The following OR6K2 variants were observed in gnomAD, a reference collection of about 807,000 sequenced individuals.
The protein encoded by OR6K2 is olfactory receptor 6K2.
For missense variants in OR6K2, 450 were observed against 402.5 expected, an observed-to-expected ratio of 1.12 and a Z score of -1.01; for synonymous variants, 139 against 143.8, an observed-to-expected ratio of 0.97 and a Z score of 0.24.
Position 158,699,813 on chromosome 1 carries a change from T to G in OR6K2, c.840A>C (p.Ala280=). The stretch of plus-strand genomic sequence containing the variant: ...TGGGGTTGAAGAAGGGAGACAAAAC[T>G]GCAAAGGCCAGAGCAATGGCTATAT... ...FWDIAIALAF[A]VLSPFFNPII... Residue 280 remains alanine (A), a synonymous_variant, in exon 1 of 1, where the codon GCA becomes GCC. Coordinates refer to ENST00000359610, the MANE Select transcript of OR6K2 (RefSeq NM_001005279.3). The G allele has an allele frequency of 6.2e-7, 1 of 1,614,132 alleles. No individual in the cohort carries two copies. Among genetic ancestry groups the G allele is most frequent in the Non-Finnish European group, 8.5e-7 (1 of 1,180,012 alleles).
At position 158,699,984 on chromosome 1, in the gene OR6K2, C is replaced by G. The variant is rs144922102; in HGVS notation, c.669G>C (p.Val223=). The G allele has an allele frequency of 6.2e-7, 1 of 1,614,094 alleles. No individual in the cohort carries two copies. Among genetic ancestry groups the G allele is most frequent in the South Asian group, 1.1e-5 (1 of 91,084 alleles). Reference sequence around the variant, plus strand: ...CTGAATGAATACGTAGAATTACAGCCACAATACCATCGTAGGACATGAAGA... The same window carrying G: ...CTGAATGAATACGTAGAATTACAGCGACAATACCATCGTAGGACATGAAGA... ...MLIFMSYDGI[V]AVILRIHSAG... Residue 223 remains valine (V), a synonymous_variant, in exon 1 of 1, where the codon GTG becomes GTC. Coordinates refer to ENST00000359610, the MANE Select transcript of OR6K2 (RefSeq NM_001005279.3).
At position 158,700,210 on chromosome 1, in the gene OR6K2, C is replaced by A; in HGVS notation, c.443G>T (p.Cys148Phe). ...KLCTQLTLSCCVCGFITPLPE... is the reference protein window; with the variant it reads ...KLCTQLTLSCFVCGFITPLPE... ...AAGGGGTGTGATAAAGCCACAAACACAGCAACTTAAAGTCAGTTGGGTACA... is the reference window on the plus strand; with the variant it reads ...AAGGGGTGTGATAAAGCCACAAACAAAGCAACTTAAAGTCAGTTGGGTACA... The change falls in exon 1 of 1, where the codon TGT becomes TTT. Residue 148 changes from cysteine (C) to phenylalanine (F), a missense_variant. Transcript: ENST00000359610. The A allele has an allele frequency of 6.2e-7, 1 of 1,613,952 alleles. No individual in the cohort carries two copies.
rs763834463 is a variant in OR6K2 at position 158,699,986 on chromosome 1, C to T, written c.667G>A (p.Val223Met). The T allele has an allele frequency of 1.9e-6, 3 of 1,612,626 alleles. No homozygotes were observed. The highest frequency in any genetic ancestry group is 1.7e-5 in the Admixed American group (1 of 59,984). The change falls in exon 1 of 1, where the codon GTG becomes ATG. Residue 223 changes from valine (V) to methionine (M), a missense_variant. Coordinates refer to ENST00000359610, the MANE Select transcript of OR6K2 (RefSeq NM_001005279.3). Reference protein sequence around the residue: ...MLIFMSYDGIVAVILRIHSAG... With the variant: ...MLIFMSYDGIMAVILRIHSAG... Reference sequence around the variant, plus strand: ...GAATGAATACGTAGAATTACAGCCACAATACCATCGTAGGACATGAAGATG... The same window carrying T: ...GAATGAATACGTAGAATTACAGCCATAATACCATCGTAGGACATGAAGATG...
Position 158,700,115 on chromosome 1 carries a change from A to G in OR6K2, c.538T>C (p.Phe180Leu), listed in dbSNP as rs1296481497. The G allele has an allele frequency of 1.9e-6, 3 of 1,614,182 alleles. No individual in the cohort carries two copies. Among genetic ancestry groups the G allele is most frequent in the East Asian group, 2.2e-5 (1 of 44,878 alleles). The change falls in exon 1 of 1, where the codon TTC becomes CTC. Residue 180 changes from phenylalanine (F) to leucine (L), a missense_variant. By Grantham distance (22) the Phe-to-Leu change is conservative (BLOSUM62 0). Coordinates refer to ENST00000359610, the MANE Select transcript of OR6K2 (RefSeq NM_001005279.3). ...SNHLEHIFCD[F>L]LPVLRLACTD... ...CAGGCCAGACGCAGCACTGGGAGGA[A>G]GTCACAGAAGATATGTTCAAGGTGA...
Position 158,699,998 on chromosome 1 carries a change from AGGACATGAAG to A in OR6K2, c.645_654del (p.Phe216ThrfsTer7), listed in dbSNP as rs774303492. On this transcript the variant is annotated frameshift_variant, in exon 1 of 1. Coordinates refer to ENST00000359610, the MANE Select transcript of OR6K2 (RefSeq NM_001005279.3). LOFTEE classifies it low-confidence loss of function (END_TRUNC). ...AGAATTACAGCCACAATACCATCGT[AGGACATGAAG>A]ATGAGCATCACAGCTGTAATAATCT... 1 of 1,614,158 alleles carries A rather than the reference AGGACATGAAG, an allele frequency of 6.2e-7. No homozygotes were observed. Among genetic ancestry groups the A allele is most frequent in the Non-Finnish European group, 8.5e-7 (1 of 1,180,022 alleles).
rs1655737106 is a variant in OR6K2, at chr1:158,699,704, G to C, written c.949C>G (p.Pro317Ala). The stretch of plus-strand genomic sequence containing the variant: ...TAAAATATCTTACTTGAGGTCCCTG[G>C]TCTTACGGAAAAAAATATCTTAGCT... ...GQAKIFFSVR[P>A]GTSSKIF is the part of the protein sequence containing the mutation. The change falls in exon 1 of 1, where the codon CCA (proline) becomes GCA (alanine). Residue 317 changes from proline (P) to alanine (A), a missense_variant. Pro to Ala is a conservative substitution (Grantham distance 27). Transcript: ENST00000359610. 6.2e-7 allele frequency: 1 copy of C among 1,611,520 alleles called. No homozygotes were observed. The highest frequency in any genetic ancestry group is 8.5e-7 in the Non-Finnish European group (1 of 1,179,386).
chr1:158,699,812 C>T lies in OR6K2; in HGVS notation c.841G>A (p.Val281Ile), dbSNP rs980243961. Residue 281 changes from valine to isoleucine, a missense_variant, in exon 1 of 1, where the codon GTT (valine) becomes ATT (isoleucine). Val to Ile is a conservative substitution (Grantham distance 29, BLOSUM62 3). Transcript: ENST00000359610. ...WDIAIALAFA[V>I]LSPFFNPIIY... ...ATGGGGTTGAAGAAGGGAGACAAAA[C>T]TGCAAAGGCCAGAGCAATGGCTATA... The T allele has an allele frequency of 6.8e-6, 11 of 1,614,024 alleles. No homozygotes were observed. The highest frequency in any genetic ancestry group is 5.0e-5 in the Admixed American group (3 of 59,990).
rs1423113035 is a variant in OR6K2 at position 158,700,242 on chromosome 1, G to A, written c.411C>T (p.Pro137=). The A allele has an allele frequency of 6.2e-7, 1 of 1,613,588 alleles. No individual in the cohort carries two copies. The highest frequency in any genetic ancestry group is 8.5e-7 in the Non-Finnish European group (1 of 1,179,958). ...SPLHYPSIMT[P]KLCTQLTLSC... ...TTAAAGTCAGTTGGGTACATAGCTT[G>A]GGGGTCATGATAGAGGGATAATGAA... The change falls in exon 1 of 1, where the codon CCC becomes CCT. Residue 137 remains proline (P), a synonymous_variant. Coordinates refer to ENST00000359610, the MANE Select transcript of OR6K2 (RefSeq NM_001005279.3).
chr1:158,700,072 A>G lies in OR6K2; in HGVS notation c.581T>C (p.Ile194Thr), dbSNP rs768735733. 1.9e-6 allele frequency: 3 copies of G among 1,614,082 alleles called. No homozygotes were observed. Among genetic ancestry groups the G allele is most frequent in the African/African-American group, 1.3e-5 (1 of 74,928 alleles). Residue 194 changes from isoleucine (I) to threonine (T), a missense_variant, in exon 1 of 1, where the codon ATC becomes ACC. By Grantham distance (89) the Ile-to-Thr change is moderately conservative. Transcript: ENST00000359610. ...GACATCCACTACCTGAATCATGACGATGGCTCGTGTGTCTGTGCAGGCCAG... is the reference window on the plus strand; with the variant it reads ...GACATCCACTACCTGAATCATGACGGTGGCTCGTGTGTCTGTGCAGGCCAG... Reference protein sequence around the residue: ...LRLACTDTRAIVMIQVVDVIH... With the variant: ...LRLACTDTRATVMIQVVDVIH...
chr1:158,699,797 A>C lies in OR6K2; in HGVS notation c.856T>G (p.Phe286Val). Residue 286 changes from phenylalanine to valine, a missense_variant, in exon 1 of 1, where the codon TTC (phenylalanine) becomes GTC (valine). Transcript: ENST00000359610. Reference protein sequence around the residue: ...ALAFAVLSPFFNPIIYSLRNK... With the variant: ...ALAFAVLSPFVNPIIYSLRNK... ...CTCAGGCTATAGATAATGGGGTTGA[A>C]GAAGGGAGACAAAACTGCAAAGGCC... is the stretch of plus-strand genomic sequence containing the variant. 6.2e-7 allele frequency: 1 copy of C among 1,614,166 alleles called. No homozygotes were observed. Among genetic ancestry groups the C allele is most frequent in the Non-Finnish European group, 8.5e-7 (1 of 1,180,010 alleles).
rs147529274 is a variant in OR6K2, at chr1:158,699,784, A to T, written c.869T>A (p.Ile290Asn). ...TATTTCTTTATTCCTCAGGCTATAG[A>T]TAATGGGGTTGAAGAAGGGAGACAA... ...AVLSPFFNPI[I>N]YSLRNKEIKE... Residue 290 changes from isoleucine (I) to asparagine (N), a missense_variant, in exon 1 of 1, where the codon ATC becomes AAC. By Grantham distance (149) the Ile-to-Asn change is moderately radical (BLOSUM62 -3). Transcript: ENST00000359610. 1.4e-5 allele frequency: 23 copies of T among 1,613,994 alleles called. No homozygotes were observed. The highest frequency in any genetic ancestry group is 1.6e-4 in the Middle Eastern group (1 of 6,084).
rs750648946 is a variant in OR6K2 at position 158,699,835 on chromosome 1, A to C, written c.818T>G (p.Ile273Arg). ...FSATYSLFWD[I>R]AIALAFAVLS... The stretch of plus-strand genomic sequence containing the variant: ...AACTGCAAAGGCCAGAGCAATGGCT[A>C]TATCCCAGAACAAAGAGTAGGTGGC... Residue 273 changes from isoleucine to arginine, a missense_variant, in exon 1 of 1, where the codon ATA becomes AGA. Physicochemically the swap from Ile to Arg is moderately conservative, Grantham distance 97. Coordinates refer to ENST00000359610, the MANE Select transcript of OR6K2 (RefSeq NM_001005279.3). 6.2e-7 allele frequency: 1 copy of C among 1,614,184 alleles called. No individual in the cohort carries two copies. The highest frequency in any genetic ancestry group is 8.5e-7 in the Non-Finnish European group (1 of 1,180,042).
chr1:158,700,236 T>A lies in OR6K2; in HGVS notation c.417A>T (p.Leu139=). ...AGCAACTTAAAGTCAGTTGGGTACA[T>A]AGCTTGGGGGTCATGATAGAGGGAT... ...LHYPSIMTPK[L]CTQLTLSCCV... is the part of the protein sequence containing the mutation. The change falls in exon 1 of 1, where the codon CTA becomes CTT. Residue 139 remains leucine, a synonymous_variant. Transcript: ENST00000359610. 1 of 1,613,920 alleles carries A rather than the reference T, an allele frequency of 6.2e-7. No individual in the cohort carries two copies. Among genetic ancestry groups the A allele is most frequent in the Non-Finnish European group, 8.5e-7 (1 of 1,179,974 alleles).
At position 158,700,235 on chromosome 1, in the gene OR6K2, A is replaced by C. The variant is rs139230785; in HGVS notation, c.418T>G (p.Cys140Gly). Residue 140 changes from cysteine (C) to glycine (G), a missense_variant, in exon 1 of 1, where the codon TGT becomes GGT. Transcript: ENST00000359610. ...CAGCAACTTAAAGTCAGTTGGGTAC[A>C]TAGCTTGGGGGTCATGATAGAGGGA... ...HYPSIMTPKLCTQLTLSCCVC... is the reference protein window; with the variant it reads ...HYPSIMTPKLGTQLTLSCCVC... The C allele has an allele frequency of 1.1e-5, 18 of 1,613,998 alleles. No individual in the cohort carries two copies. The highest frequency in any genetic ancestry group is 1.6e-4 in the Middle Eastern group (1 of 6,080).
At position 158,700,297 on chromosome 1, in the gene OR6K2, A is replaced by T. The variant is rs1200149933; in HGVS notation, c.356T>A (p.Phe119Tyr). The change falls in exon 1 of 1, where the codon TTT becomes TAT. Residue 119 changes from phenylalanine (F) to tyrosine (Y), a missense_variant. Coordinates refer to ENST00000359610, the MANE Select transcript of OR6K2 (RefSeq NM_001005279.3). ...CEVCLLTVMA[F>Y]DHYLAICSPL... is the part of the protein sequence containing the mutation. ...GCTGCATATGGCCAGGTAGTGGTCA[A>T]AGGCCATAACTGTCAAGAGACACAC... The T allele has an allele frequency of 6.2e-7, 1 of 1,614,164 alleles. No homozygotes were observed. The highest frequency in any genetic ancestry group is 1.7e-5 in the Admixed American group (1 of 60,026).
Position 158,700,239 on chromosome 1 carries a change from C to G in OR6K2, c.414G>C (p.Lys138Asn). ...PLHYPSIMTP[K>N]LCTQLTLSCC... ...AACTTAAAGTCAGTTGGGTACATAG[C>G]TTGGGGGTCATGATAGAGGGATAAT... Residue 138 changes from lysine to asparagine, a missense_variant, in exon 1 of 1, where the codon AAG becomes AAC. Coordinates refer to ENST00000359610, the MANE Select transcript of OR6K2 (RefSeq NM_001005279.3). 1 of 1,613,936 alleles carries G rather than the reference C, an allele frequency of 6.2e-7. No homozygotes were observed. Among genetic ancestry groups the G allele is most frequent in the Non-Finnish European group, 8.5e-7 (1 of 1,179,972 alleles).
chr1:158,699,733 C>T lies in OR6K2; in HGVS notation c.920G>A (p.Gly307Asp). 6.2e-7 allele frequency: 1 copy of T among 1,613,582 alleles called. No individual in the cohort carries two copies. Among genetic ancestry groups the T allele is most frequent in the Non-Finnish European group, 8.5e-7 (1 of 1,179,758 alleles). Residue 307 changes from glycine (G) to aspartate (D), a missense_variant, in exon 1 of 1, where the codon GGT becomes GAT. Transcript: ENST00000359610. ...TACGGAAAAAAATATCTTAGCTTGA[C>T]CTATGTGCTTTTTTATAGCTTCTTT... ...EIKEAIKKHI[G>D]QAKIFFSVRP...
In OR6K2 at chr1:158,700,246, G is replaced by T. The variant is rs756030265; in HGVS notation, c.407C>A (p.Thr136Asn). ...AGTCAGTTGGGTACATAGCTTGGGG[G>T]TCATGATAGAGGGATAATGAAGAGG... ...CSPLHYPSIM[T>N]PKLCTQLTLS... The change falls in exon 1 of 1, where the codon ACC becomes AAC. Residue 136 changes from threonine (T) to asparagine (N), a missense_variant. Transcript: ENST00000359610. 29 of 1,614,052 alleles carry T rather than the reference G, an allele frequency of 1.8e-5. No homozygotes were observed. The South Asian group carries it at 3.0e-4, about 17-fold the overall frequency.
Position 158,700,566 on chromosome 1 carries a change from A to G in OR6K2, c.87T>C (p.Val29=), listed in dbSNP as rs937215203. The G allele has an allele frequency of 2.5e-6, 4 of 1,614,160 alleles. No individual in the cohort carries two copies. Among genetic ancestry groups the G allele is most frequent in the Non-Finnish European group, 3.4e-6 (4 of 1,180,028 alleles). ...YSWVKSVVCF[V]PLLFIYAFIV... is the part of the protein sequence containing the mutation. ...TGAAAGCATAGATGAAGAGCAGTGG[A>G]ACAAAGCAGACAACAGACTTAACCC... The change falls in exon 1 of 1, where the codon GTT becomes GTC. Residue 29 remains valine, a synonymous_variant. Transcript: ENST00000359610.
Sources: allele counts gnomAD v4.1 joint callset, GRCh38; gene constraint gnomAD v4.1.1; transcripts MANE v1.5; gene names NCBI Gene and HGNC (gene_info 2026-07-23, HGNC 2026-07-21).